Variants in SGCG observed in about 807,000 individuals in gnomAD.
The protein encoded by SGCG is gamma-sarcoglycan.
Under a neutral mutation model 29.3 loss-of-function variants are expected in SGCG, and 26 were observed. The observed-to-expected ratio is 0.89, with a 90% CI of 0.65 to 1.23. The LOEUF (loss-of-function observed/expected upper bound fraction) is 1.23. SGCG is among the 50% of genes most tolerant of loss of function. SGCG has a pLI of 0.00. For missense variants in SGCG, 353 were observed against 356.0 expected (o/e 0.99, Z 0.07); for synonymous variants, 145 against 129.7 (o/e 1.12, Z -0.80).
chr13:23,278,403 A>G (rs929365589), intron 4 of SGCG, among the ~76,000 whole-genome samples: 1 of 151,180 alleles, frequency 6.6e-6, no homozygotes, highest in Non-Finnish European at 1.5e-5. Flanking sequence ...AGATCGCACC[A>G]TTGCACTCCA....
intron 5 of SGCG, among the ~76,000 whole-genome samples, chr13:23,292,983 T>C (rs114918394): frequency 1.3e-5 from 2 of 152,324 alleles, no homozygotes; most frequent in African/African-American, 4.8e-5. Context: ...CATATCATTA[T>C]ACAAATTAGT....
chr13:23,315,824 A>C (rs1204447153), intron 6 of SGCG, among the ~76,000 whole-genome samples: 1 of 152,140 alleles, frequency 6.6e-6, no homozygotes, highest in Non-Finnish European at 1.5e-5. Context: ...TGGGGAAGAG[A>C]TATGTGGATG....
chr13:23,299,168 C>T (rs1031365288), intron 6 of SGCG, among the ~76,000 whole-genome samples: 5 of 151,792 alleles, frequency 3.3e-5, no homozygotes, highest in African/African-American at 1.2e-4. Context: ...ATAATCGAAT[C>T]CAGCTTTGAC....
intron 3 of SGCG, among the ~76,000 whole-genome samples, chr13:23,249,925 T>G (rs937134339): frequency 2.0e-5 from 3 of 152,200 alleles, no homozygotes; most frequent in African/African-American, 7.2e-5. Context: ...AGTAAAAATT[T>G]TTTTGTTTAG....
At chr13:23,182,633 T>C (rs1876787179) in intron 1 of SGCG, among the ~76,000 whole-genome samples, 1 of 152,230 alleles carries the variant, frequency 6.6e-6, no homozygotes, top group South Asian at 2.1e-4. Flanking sequence ...TTATATGTTA[T>C]GCTGTAGATA....
intron 6 of SGCG, among the ~76,000 whole-genome samples, chr13:23,313,446 T>A (rs760668184): frequency 9.2e-5 from 14 of 152,202 alleles, no homozygotes; most frequent in Non-Finnish European, 1.9e-4. Flanking sequence ...ATTACAGACG[T>A]GAGCCACTGA....
chr13:23,201,148 A>G (rs2137497006), intron 1 of SGCG, among the ~76,000 whole-genome samples: 1 of 145,992 alleles, frequency 6.8e-6, no homozygotes, highest in South Asian at 2.2e-4. Flanking sequence ...GTGAAAGACG[A>G]TGGCAGAGGT....
At chr13:23,294,003 T>C (rs1048855173) in intron 5 of SGCG, among the ~76,000 whole-genome samples, 3 of 152,202 alleles carry the variant, frequency 2.0e-5, no homozygotes, top group African/African-American at 4.8e-5. Context: ...TGTTTCATTA[T>C]AGAAGCTCCT....
chr13:23,310,280 G>A (rs1161052673), intron 6 of SGCG, among the ~76,000 whole-genome samples: 1 of 151,774 alleles, frequency 6.6e-6, no homozygotes, highest in Non-Finnish European at 1.5e-5. Flanking sequence ...TAGAGACGGG[G>A]TTTCACCCTA....
chr13:23,278,216 G>T (rs1881162921), intron 4 of SGCG, among the ~76,000 whole-genome samples: 1 of 152,066 alleles, frequency 6.6e-6, no homozygotes, highest in Non-Finnish European at 1.5e-5. Context: ...GGCCAAGGCT[G>T]GCGGATCACC....
At chr13:23,283,562 C>CT (rs1881387016) in intron 5 of SGCG, among the ~76,000 whole-genome samples, 1 of 152,062 alleles carries the variant, frequency 6.6e-6, no homozygotes, top group Admixed American at 6.6e-5. Flanking sequence ...GGTTTTGACT[C>CT]TATCCAGTTT....
At chr13:23,289,111 G>T in intron 5 of SGCG, among the ~76,000 whole-genome samples, 1 of 152,316 alleles carries the variant, frequency 6.6e-6, no homozygotes, top group South Asian at 2.1e-4. Flanking sequence ...CGAAAAAGAC[G>T]TGAAGACAGA....
chr13:23,310,247 C>A lies in SGCG; in HGVS notation c.579-10390C>A, dbSNP rs187441245. On this transcript the variant is annotated intron_variant, in intron 6 of 7. Coordinates refer to ENST00000218867, the MANE Select transcript of SGCG (RefSeq NM_000231.3). Reference sequence around the variant, plus strand: ...GACTACAGGCGCCCGCCACCACACCCGGGTAATTTTTTGTATTTTTAGTAG... The same window carrying A: ...GACTACAGGCGCCCGCCACCACACCAGGGTAATTTTTTGTATTTTTAGTAG... Among the ~76,000 whole-genome samples, 524 of 151,850 alleles carry A rather than the reference C, an allele frequency of 3.5e-3. 5 individuals are homozygous for A. Among genetic ancestry groups the A allele is most frequent in the African/African-American group, 0.012 (486 of 41,442 alleles).
intron 2 of SGCG, among the ~76,000 whole-genome samples, chr13:23,210,510 T>C (rs1214009607): frequency 1.3e-5 from 2 of 152,200 alleles, no homozygotes; most frequent in Admixed American, 6.5e-5. Context: ...GTTAACACAG[T>C]GAAACCCTGT....
At chr13:23,173,856 G>C in the SGCG span, among the ~76,000 whole-genome samples, 1 of 151,990 alleles carries the variant, frequency 6.6e-6, no homozygotes, top group Non-Finnish European at 1.5e-5. Flanking sequence ...CCAAAAGATA[G>C]GCACAGATAC....
chr13:23,182,757 G>C (rs1222551571), intron 1 of SGCG, among the ~76,000 whole-genome samples: 12 of 152,180 alleles, frequency 7.9e-5, no homozygotes, highest in Non-Finnish European at 1.6e-4. Flanking sequence ...CAGTATGACT[G>C]GTGGGTAGGA....
intron 4 of SGCG, among the ~76,000 whole-genome samples, chr13:23,257,418 ACC>A (rs1880238118): frequency 6.6e-6 from 1 of 151,688 alleles, no homozygotes; most frequent in African/African-American, 2.4e-5. Flanking sequence ...CCATTCCCCC[ACC>A]CCATGGACAG....
intron 5 of SGCG, among the ~76,000 whole-genome samples, chr13:23,292,119 C>CTTTTTTT (rs71100167): frequency 1.9e-4 from 28 of 147,534 alleles, no homozygotes; most frequent in Non-Finnish European, 2.7e-4. Context: ...ACATTTCTTT[C>CTTTTTTT]TTTTTTTTGA....
the SGCG span, among the ~76,000 whole-genome samples, chr13:23,173,205 G>T: frequency 6.6e-6 from 1 of 152,130 alleles, no homozygotes; most frequent in Non-Finnish European, 1.5e-5. Context: ...GAAATCATGG[G>T]TCTCCAAAGG....
Sources: gnomAD v4.1 joint callset for allele counts (sites outside exome capture counted in the v4.1 genomes callset) on GRCh38, gnomAD v4.1.1 for gene constraint, MANE v1.5 for transcripts, NCBI Gene and HGNC (gene_info 2026-07-23, HGNC 2026-07-21) for gene names.